Variants in AMPD1 observed in about 807,000 individuals in gnomAD.
The protein encoded by AMPD1 is AMP deaminase 1.
AMPD1 carries 74 observed loss-of-function variants against 82.9 expected under a neutral mutation model. That is an observed-to-expected ratio of 0.89 (90% CI 0.74 to 1.08). The LOEUF is 1.08. Among genes scored for constraint, AMPD1 ranks in the 50% least tolerant of loss-of-function variants. The pLI is 0.00. For synonymous variants in AMPD1, 333 were observed against 320.5 expected, an observed-to-expected ratio of 1.04 and a Z score of -0.42; for missense variants, 881 against 924.5, an observed-to-expected ratio of 0.95 and a Z score of 0.61.
intron 13 of AMPD1, 114 bp from the exon 14 acceptor site, chr1:114,674,196 G>A (rs1657915714): frequency 1.1e-6 from 1 of 938,476 alleles, no homozygotes; most frequent in Non-Finnish European, 1.6e-6. Context: ...ATTATCACTT[G>A]TTCTTCAAGT....
rs1401426917 is a variant in AMPD1, at chr1:114,677,511, C to T, written c.1228G>A (p.Val410Ile). 1.9e-6 allele frequency: 3 copies of T among 1,613,654 alleles called. No individual in the cohort carries two copies. The highest frequency in any genetic ancestry group is 3.3e-5 in the Admixed American group (2 of 59,944). Residue 410 changes from valine to isoleucine, a missense_variant, in exon 10 of 16, where the codon GTA becomes ATA. Around this residue, in one of 2 missense-constraint regions of AMPD1, gnomAD observed 783 missense variants for 786.4 expected, o/e 1.00. Coordinates refer to ENST00000520113, the MANE Select transcript of AMPD1 (RefSeq NM_000036.3). ...GEYFATIIKEVGADLVEAKYQ... is the reference protein window; with the variant it reads ...GEYFATIIKEIGADLVEAKYQ... The stretch of plus-strand genomic sequence containing the variant: ...TTGGCCTCCACCAGGTCCGCACCTA[C>T]CTCCTGCAAAGCCAAGAGAGAAGTC...
At chr1:114,682,930 T>A (rs774487347) in intron 5 of AMPD1, among the ~76,000 whole-genome samples, 4 of 152,186 alleles carry the variant, frequency 2.6e-5, no homozygotes, top group Non-Finnish European at 4.4e-5. Flanking sequence ...AGGAGTGTAA[T>A]CCTAAAATTG....
At chr1:114,686,597 A>G in intron 4 of AMPD1, 148 bp downstream of exon 4, 1 of 800,962 alleles carries the variant, frequency 1.2e-6, no homozygotes, top group Non-Finnish European at 2.1e-6. Context: ...ATACCACCAT[A>G]TTAGTATTGA....
chr1:114,693,791 A>G (rs1658592751), intron 1 of AMPD1, among the ~76,000 whole-genome samples: 1 of 152,256 alleles, frequency 6.6e-6, no homozygotes, highest in African/African-American at 2.4e-5. Context: ...TTGGTAAACA[A>G]TTTAGTAACA....
chr1:114,678,504 G>T lies in AMPD1; in HGVS notation c.921C>A (p.Ala307=). 6.2e-7 allele frequency: 1 copy of T among 1,614,074 alleles called. No homozygotes were observed. Among genetic ancestry groups the T allele is most frequent in the Non-Finnish European group, 8.5e-7 (1 of 1,180,012 alleles). ...GCAGATGTTTCTGGTTCATGCAAGC[G>T]GCTGCATGGATATGGGTGTCCACCT... ...CRKVDTHIHA[A]ACMNQKHLLR... is the part of the protein sequence containing the mutation. Residue 307 remains alanine (A), a synonymous_variant, in exon 8 of 16, where the codon GCC becomes GCA. Coordinates refer to ENST00000520113, the MANE Select transcript of AMPD1 (RefSeq NM_000036.3).
chr1:114,674,158 T>C (rs541509027), intron 13 of AMPD1, 76 bp from the exon 14 acceptor site: 1 of 1,383,820 alleles, frequency 7.2e-7, no homozygotes, highest in Non-Finnish European at 1.0e-6. Flanking sequence ...AATCTCATGG[T>C]CTGCCTTAAG....
chr1:114,675,085 T>C, intron 12 of AMPD1: 1 of 615,800 alleles, frequency 1.6e-6, no homozygotes, highest in East Asian at 2.8e-5. Context: ...AATAAAGTGT[T>C]GATTGCCTGG....
chr1:114,688,491 A>C, intron 3 of AMPD1, 70 bp downstream of exon 3: 1 of 1,535,640 alleles, frequency 6.5e-7, no homozygotes, highest in Non-Finnish European at 9.0e-7. Context: ...GATAAATTGA[A>C]CCATATCTTC....
intron 5 of AMPD1, among the ~76,000 whole-genome samples, chr1:114,682,618 G>A (rs927680624): frequency 6.8e-6 from 1 of 147,284 alleles, no homozygotes; most frequent in Non-Finnish European, 1.5e-5. Context: ...TCCCTCTGTC[G>A]CCCAGGCTGG....
In AMPD1 at chr1:114,695,510, AAAG is replaced by A. The variant is rs1168705971; in HGVS notation, c.-42_-40del. On this transcript the variant is annotated 5_prime_UTR_variant, in exon 1 of 16. Transcript: ENST00000520113. Reference sequence around the variant, plus strand: ...CTTGATTCTAGGATAGCACAGTAGAAAAGAAGAGAGAGGAGACTGTGGGGTGAC... The same window carrying A: ...CTTGATTCTAGGATAGCACAGTAGAAAAGAGAGAGGAGACTGTGGGGTGAC... The A allele has an allele frequency of 6.2e-7, 1 of 1,614,140 alleles. No homozygotes were observed. Among genetic ancestry groups the A allele is most frequent in the Non-Finnish European group, 8.5e-7 (1 of 1,179,992 alleles).
At chr1:114,676,082 A>AT in intron 10 of AMPD1, 79 bp from the exon 11 acceptor site, 1 of 1,497,192 alleles carries the variant, frequency 6.7e-7, no homozygotes, top group Non-Finnish European at 9.2e-7. Context: ...GAACCAGAGA[A>AT]TCGAATGTCA....
Position 114,688,574 on chromosome 1 carries a change from T to C in AMPD1, c.202A>G (p.Thr68Ala), listed in dbSNP as rs756308505. Residue 68 changes from threonine (T) to alanine (A), a missense_variant, in exon 3 of 16, where the codon ACA becomes GCA. Around this residue, in one of 2 missense-constraint regions of AMPD1, gnomAD observed 783 missense variants for 786.4 expected, o/e 1.00. Coordinates refer to ENST00000520113, the MANE Select transcript of AMPD1 (RefSeq NM_000036.3). ...TACACCACTTACCTCCTGGCTTCTG[T>C]GGAGGTGGACAGAGTCTCCAGATGG... Reference protein sequence around the residue: ...IFHLETLSTSTEARRKKRFQG... With the variant: ...IFHLETLSTSAEARRKKRFQG... 1.2e-6 allele frequency: 2 copies of C among 1,614,142 alleles called. No homozygotes were observed. Among genetic ancestry groups the C allele is most frequent in the East Asian group, 2.2e-5 (1 of 44,882 alleles).
rs375909394 is a variant in AMPD1 at position 114,677,661 on chromosome 1, C to A, written c.1225-147G>T. 1.4e-5 allele frequency: 17 copies of A among 1,200,256 alleles called. No individual in the cohort carries two copies. The African/African-American group carries it at 1.8e-4, about 13-fold the overall frequency. 74.4% of individuals were successfully genotyped at this position (1,200,256 alleles called of 1,614,324 possible). On this transcript the variant is annotated intron_variant, in intron 9 of 15. Transcript: ENST00000520113. ...AATCTCAAAACCACACCCTTAATTT[C>A]TCTACCTTAGCAATAGAGGTCTTCA...
intron 6 of AMPD1, 67 bp downstream of exon 6, chr1:114,680,192 T>G (rs1658113826): frequency 1.5e-6 from 2 of 1,324,558 alleles, no homozygotes; most frequent in African/African-American, 1.4e-5. Context: ...TCAGTAGAAG[T>G]AGTACTAGTT....
intron 4 of AMPD1, among the ~76,000 whole-genome samples, chr1:114,684,884 C>T (rs183318558): frequency 6.6e-6 from 1 of 152,296 alleles, no homozygotes; most frequent in Non-Finnish European, 1.5e-5. Flanking sequence ...TGGATCACAA[C>T]ATCATTCTGT....
intron 1 of AMPD1, among the ~76,000 whole-genome samples, chr1:114,694,218 A>AAAAAACAAAAAC (rs566751722): frequency 6.6e-6 from 1 of 152,036 alleles, no homozygotes; most frequent in Non-Finnish European, 1.5e-5. Flanking sequence ...TCTGTCTCTA[A>AAAAAACAAAAAC]AAAAACAAAA....
At chr1:114,677,728 C>T (rs1350008863) in intron 9 of AMPD1, among the ~76,000 whole-genome samples, 182 bp downstream of exon 9, 2 of 151,938 alleles carry the variant, frequency 1.3e-5, no homozygotes, top group East Asian at 1.9e-4. Context: ...TCCTTATATT[C>T]ATTTGTGTAG....
rs759361897 is a variant in AMPD1 at position 114,677,513 on chromosome 1, T to G, written c.1226A>C (p.Glu409Ala). 1 of 1,613,536 alleles carries G rather than the reference T, an allele frequency of 6.2e-7. No homozygotes were observed. Among genetic ancestry groups the G allele is most frequent in the Non-Finnish European group, 8.5e-7 (1 of 1,179,906 alleles). ...GGCCTCCACCAGGTCCGCACCTACC[T>G]CCTGCAAAGCCAAGAGAGAAGTCCA... ...NGEYFATIIK[E>A]VGADLVEAKY... Residue 409 changes from glutamate (E) to alanine (A), a missense_variant and splice_region_variant, in exon 10 of 16, where the codon GAG (glutamate) becomes GCG (alanine). This residue lies in a region of AMPD1 where 783 missense variants were observed against 786.4 expected (regional missense o/e 1.00). Transcript: ENST00000520113.
chr1:114,683,028 C>G, intron 5 of AMPD1: 1 of 286,582 alleles, frequency 3.5e-6, no homozygotes, highest in South Asian at 3.1e-5. Context: ...ATTTAATTGC[C>G]TAAAAATAGG....
Sources: gnomAD v4.1 joint callset for allele counts (sites outside exome capture counted in the v4.1 genomes callset) on GRCh38, gnomAD v4.1.1 for gene constraint, gnomAD v4.1.1 regional missense constraint, MANE v1.5 for transcripts, NCBI Gene and HGNC (gene_info 2026-07-23, HGNC 2026-07-21) for gene names.